TASP1: variants seen among roughly 807,000 people sequenced by gnomAD.
TASP1 encodes threonine aspartase 1.
Under a neutral mutation model 56.6 loss-of-function variants are expected in TASP1, and 16 were observed. The observed-to-expected ratio is 0.28, with a 90% CI of 0.19 to 0.43. The LOEUF is 0.43. Among genes scored for constraint, TASP1 ranks in the 20% least tolerant of loss-of-function variants. The pLI, the probability that TASP1 is intolerant of heterozygous loss-of-function variation, is 1.00. For missense variants in TASP1, 393 were observed against 511.6 expected, an observed-to-expected ratio of 0.77 and a Z score of 2.24; for synonymous variants, 179 against 184.2, an observed-to-expected ratio of 0.97 and a Z score of 0.23.
the TASP1 span, among the ~76,000 whole-genome samples, chr20:13,252,871 C>T: frequency 4.2e-3 from 636 of 152,316 alleles, 2 homozygotes; most frequent in African/African-American, 0.015. Flanking sequence ...TGTCTTCCCA[C>T]TTCTCTCATT....
chr20:13,507,858 T>A lies in TASP1; in HGVS notation c.874+20575A>T, dbSNP rs146617896. On this transcript the variant is annotated intron_variant, in intron 10 of 13. Coordinates refer to ENST00000337743, the MANE Select transcript of TASP1 (RefSeq NM_017714.3). ...TACAAAGCTATAGTAACCAAAATAG[T>A]GTGGCACTGGCATAAAAACAGAAAC... 1.2e-3 allele frequency among the ~76,000 whole-genome samples: 185 copies of A among 152,234 alleles called. 1 individual carries two copies. Among genetic ancestry groups the A allele is most frequent in the Non-Finnish European group, 1.1e-3 (72 of 68,018 alleles).
chr20:13,208,517 A>T, the TASP1 span, among the ~76,000 whole-genome samples: 2 of 152,180 alleles, frequency 1.3e-5, no homozygotes, highest in African/African-American at 2.4e-5. Context: ...TACCCTCTGC[A>T]ATGCACCTGT....
chr20:13,346,084 A>G, the TASP1 span, among the ~76,000 whole-genome samples: 1 of 152,026 alleles, frequency 6.6e-6, no homozygotes, highest in Admixed American at 6.6e-5. Context: ...CTGCTTCATG[A>G]CTTACACAGT....
the TASP1 span, among the ~76,000 whole-genome samples, chr20:13,211,572 C>T: frequency 6.6e-6 from 1 of 152,138 alleles, no homozygotes; most frequent in Admixed American, 6.5e-5. Context: ...GTTAAGCACT[C>T]AGATGTTACC....
chr20:13,260,826 A>T, the TASP1 span, among the ~76,000 whole-genome samples: 1 of 152,086 alleles, frequency 6.6e-6, no homozygotes. Context: ...ACCCGCAAGG[A>T]TTTATTATTT....
At chr20:13,476,400 A>AT (rs2042952452) in intron 11 of TASP1, among the ~76,000 whole-genome samples, 1 of 152,088 alleles carries the variant, frequency 6.6e-6, no homozygotes, top group South Asian at 2.1e-4. Context: ...TGAAAGTGTG[A>AT]TTTTTGCCTT....
At chr20:13,617,611 T>C (rs1398767031) in intron 4 of TASP1, among the ~76,000 whole-genome samples, 4 of 152,082 alleles carry the variant, frequency 2.6e-5, no homozygotes, top group African/African-American at 9.7e-5. Flanking sequence ...CTTATGAAAA[T>C]ATAATTTCTA....
intron 6 of TASP1, among the ~76,000 whole-genome samples, chr20:13,570,121 G>A (rs2046661485): frequency 6.6e-6 from 1 of 152,050 alleles, no homozygotes; most frequent in South Asian, 2.1e-4. Flanking sequence ...ACTGTGGTAA[G>A]TACTATGGTA....
At chr20:13,268,298 CTTCTCTTCTCTT>C in the TASP1 span, among the ~76,000 whole-genome samples, 2 of 146,158 alleles carry the variant, frequency 1.4e-5, no homozygotes, top group Non-Finnish European at 3.0e-5. Flanking sequence ...TCTTCTCTTC[CTTCTCTTCTCTT>C]TTCTCTTCTC....
chr20:13,213,432 G>C, the TASP1 span, among the ~76,000 whole-genome samples: 26 of 152,058 alleles, frequency 1.7e-4, no homozygotes, highest in Non-Finnish European at 2.9e-5. Flanking sequence ...AGAATTTAAG[G>C]CTAAGCTTTT....
intron 4 of TASP1, among the ~76,000 whole-genome samples, chr20:13,614,044 C>T (rs909137536): frequency 6.6e-6 from 1 of 152,142 alleles, no homozygotes; most frequent in African/African-American, 2.4e-5. Context: ...GGCTGCTTTA[C>T]AGACATGCTA....
chr20:13,499,109 G>A (rs985215133), intron 10 of TASP1, among the ~76,000 whole-genome samples: 6 of 152,116 alleles, frequency 3.9e-5, no homozygotes, highest in African/African-American at 7.2e-5. Context: ...GTACATATAC[G>A]CCCTGGAAAA....
the TASP1 span, among the ~76,000 whole-genome samples, chr20:13,264,522 C>T: frequency 6.6e-6 from 1 of 152,124 alleles, no homozygotes; most frequent in Non-Finnish European, 1.5e-5. Flanking sequence ...CCTAATTTGC[C>T]CTGTGGCTTG....
chr20:13,438,450 A>G (rs974276300), intron 11 of TASP1, among the ~76,000 whole-genome samples: 2 of 152,086 alleles, frequency 1.3e-5, no homozygotes, highest in East Asian at 1.9e-4. Context: ...CTGGCTAGCC[A>G]TATGTAGAAA....
the TASP1 span, among the ~76,000 whole-genome samples, chr20:13,288,319 G>A: frequency 3.3e-5 from 5 of 152,174 alleles, no homozygotes; most frequent in Non-Finnish European, 7.4e-5. Flanking sequence ...TTCTAGGGAT[G>A]TACAGACCAC....
At chr20:13,202,289 C>T in the TASP1 span, among the ~76,000 whole-genome samples, 1 of 152,280 alleles carries the variant, frequency 6.6e-6, no homozygotes, top group African/African-American at 2.4e-5. Flanking sequence ...AAGCAACGTA[C>T]AGAAGCACAT....
intron 11 of TASP1, among the ~76,000 whole-genome samples, chr20:13,459,496 T>C (rs1775699110): frequency 6.6e-6 from 1 of 152,154 alleles, no homozygotes; most frequent in Non-Finnish European, 1.5e-5. Context: ...TCTTACTCCA[T>C]GCCTGCACCC....
the TASP1 span, among the ~76,000 whole-genome samples, chr20:13,240,564 G>T: frequency 1.4e-4 from 22 of 152,340 alleles, no homozygotes; most frequent in East Asian, 3.8e-3. Context: ...AGTGGCACAT[G>T]AACTTGCAGA....
chr20:13,215,197 C>T, the TASP1 span, among the ~76,000 whole-genome samples: 12 of 152,122 alleles, frequency 7.9e-5, no homozygotes, highest in Non-Finnish European at 1.6e-4. Context: ...CTACCAAGTC[C>T]CTGTGCAATA....
Sources: gnomAD v4.1 joint callset for allele counts (sites outside exome capture counted in the v4.1 genomes callset) on GRCh38, gnomAD v4.1.1 for gene constraint, MANE v1.5 for transcripts, NCBI Gene and HGNC (gene_info 2026-07-23, HGNC 2026-07-21) for gene names.